Variants in BMPR1B observed in about 807,000 individuals in gnomAD.
BMPR1B encodes bone morphogenetic protein receptor type 1B.
Under a neutral mutation model 59.1 loss-of-function variants are expected in BMPR1B, and 12 were observed. That is an observed-to-expected ratio of 0.20 (90% confidence interval 0.13 to 0.33). The LOEUF is 0.33. Among genes scored for constraint, BMPR1B ranks in the 10% least tolerant of loss-of-function variants. BMPR1B has a pLI of 1.00. For missense variants in BMPR1B, 550 were observed against 610.9 expected (o/e 0.90, Z 1.05); for synonymous variants, 237 against 207.3 (o/e 1.14, Z -1.23).
intron 1 of BMPR1B, among the ~76,000 whole-genome samples, chr4:94,803,501 T>A (rs543583898): frequency 2.6e-4 from 40 of 152,350 alleles, no homozygotes; most frequent in African/African-American, 9.4e-4. Flanking sequence ...TGTCTACTTA[T>A]GTTTCTTTCC....
In BMPR1B at chr4:94,845,708, C is replaced by T. The variant is rs142319923; in HGVS notation, c.-182-30123C>T. Among the ~76,000 whole-genome samples the T allele has an allele frequency of 1.4e-3, 211 of 152,318 alleles. 1 individual carries two copies. The highest frequency in any genetic ancestry group is 4.7e-3 in the African/African-American group (196 of 41,580). On this transcript the variant is annotated intron_variant, in intron 1 of 12. Transcript: ENST00000515059. Reference sequence around the variant, plus strand: ...CTTGTAAAGAAATACCTATTTCTTTCAGTCACAAGCTAAAGTTTTTATCTC... The same window carrying T: ...CTTGTAAAGAAATACCTATTTCTTTTAGTCACAAGCTAAAGTTTTTATCTC...
At chr4:94,996,730 TGAG>T (rs543861690) in intron 3 of BMPR1B, among the ~76,000 whole-genome samples, 215 of 152,326 alleles carry the variant, frequency 1.4e-3, no homozygotes, top group African/African-American at 5.0e-3. Flanking sequence ...AGGCAAGCAC[TGAG>T]GAGAAGTTCT....
At chr4:94,936,596 TAA>T (rs1485082306) in intron 2 of BMPR1B, among the ~76,000 whole-genome samples, 1 of 152,192 alleles carries the variant, frequency 6.6e-6, no homozygotes, top group Non-Finnish European at 1.5e-5. Flanking sequence ...ATTGGATAGA[TAA>T]AGAGTTTCCA....
intron 1 of BMPR1B, among the ~76,000 whole-genome samples, chr4:94,810,533 A>G (rs868704715): frequency 2.6e-5 from 4 of 152,234 alleles, no homozygotes; most frequent in Admixed American, 6.5e-5. Context: ...ACAAGAATAC[A>G]GCAAGATTGG....
At chr4:94,927,405 T>A (rs1296996405) in intron 2 of BMPR1B, among the ~76,000 whole-genome samples, 1 of 152,086 alleles carries the variant, frequency 6.6e-6, no homozygotes. Flanking sequence ...GGCACAGACA[T>A]TCTGTGAGGG....
chr4:94,812,549 C>T (rs1723858849), intron 1 of BMPR1B, among the ~76,000 whole-genome samples: 1 of 152,182 alleles, frequency 6.6e-6, no homozygotes, highest in African/African-American at 2.4e-5. Flanking sequence ...TCTGTAGGCA[C>T]TGGGAAGCTA....
chr4:94,940,743 G>C (rs1274167878), intron 2 of BMPR1B, among the ~76,000 whole-genome samples: 2 of 152,160 alleles, frequency 1.3e-5, no homozygotes, highest in African/African-American at 4.8e-5. Context: ...GTATTACCAA[G>C]CTCTATTACT....
chr4:95,152,712 G>C lies in BMPR1B; in HGVS notation c.1322G>C (p.Arg441Thr), dbSNP rs879008149. The change falls in exon 12 of 13, where the codon AGG (arginine) becomes ACG (threonine). Residue 441 changes from arginine (R) to threonine (T), a missense_variant. Physicochemically the swap from Arg to Thr is moderately conservative, Grantham distance 71. This residue lies in a region of BMPR1B where 123 missense variants were observed against 164.6 expected (regional missense o/e 0.75). Coordinates refer to ENST00000515059, the MANE Select transcript of BMPR1B (RefSeq NM_001203.3). ...VPSDPSYEDM[R>T]EIVCIKKLRP... ...AGTGACCCCTCTTATGAGGACATGA[G>C]GGAGATTGTGTGCATCAAGAAGTTA... is the stretch of plus-strand genomic sequence containing the variant. 2 of 1,603,722 alleles carry C rather than the reference G, an allele frequency of 1.2e-6. No homozygotes were observed. The highest frequency in any genetic ancestry group is 1.7e-6 in the Non-Finnish European group (2 of 1,174,960).
chr4:95,064,637 A>G (rs1348734250), intron 3 of BMPR1B, among the ~76,000 whole-genome samples: 1 of 152,322 alleles, frequency 6.6e-6, no homozygotes, highest in East Asian at 1.9e-4. Context: ...CATGTATCTT[A>G]TAACACCCAT....
chr4:94,788,840 C>T (rs1722851598), intron 1 of BMPR1B, among the ~76,000 whole-genome samples: 1 of 152,168 alleles, frequency 6.6e-6, no homozygotes. Flanking sequence ...TCACGCCTGC[C>T]CAAGCCTGAG....
At chr4:94,839,951 G>T (rs1474882359) in intron 1 of BMPR1B, among the ~76,000 whole-genome samples, 1 of 151,702 alleles carries the variant, frequency 6.6e-6, no homozygotes, top group African/African-American at 2.4e-5. Context: ...TTTAGGGCAG[G>T]CCTGGTGGTG....
chr4:94,959,711 CT>C (rs1420568744), intron 2 of BMPR1B, among the ~76,000 whole-genome samples: 3 of 152,016 alleles, frequency 2.0e-5, no homozygotes, highest in Non-Finnish European at 4.4e-5. Context: ...TTTGGAAATA[CT>C]TTGGCCAGTG....
intron 1 of BMPR1B, among the ~76,000 whole-genome samples, chr4:94,759,558 T>C (rs1301411441): frequency 2.6e-5 from 4 of 152,370 alleles, no homozygotes; most frequent in African/African-American, 9.6e-5. Flanking sequence ...GGGCAAGTTA[T>C]GGGAAATGTC....
chr4:95,062,519 A>G (rs1727473959), intron 3 of BMPR1B, among the ~76,000 whole-genome samples: 1 of 152,162 alleles, frequency 6.6e-6, no homozygotes, highest in African/African-American at 2.4e-5. Context: ...CCCCAGATTG[A>G]AGAATGGAGC....
chr4:94,791,217 G>C (rs1417967849), intron 1 of BMPR1B, among the ~76,000 whole-genome samples: 1 of 152,086 alleles, frequency 6.6e-6, no homozygotes, highest in Non-Finnish European at 1.5e-5. Context: ...TCGAACTCCT[G>C]ATCTCAAGTG....
chr4:94,925,750 A>G (rs554248877), intron 2 of BMPR1B, among the ~76,000 whole-genome samples: 1 of 152,292 alleles, frequency 6.6e-6, no homozygotes, highest in South Asian at 2.1e-4. Context: ...TGAACCAACT[A>G]TTCAAAAAAT....
chr4:94,800,534 C>G (rs193285809), intron 1 of BMPR1B, among the ~76,000 whole-genome samples: 2 of 145,978 alleles, frequency 1.4e-5, no homozygotes, highest in East Asian at 4.1e-4. Flanking sequence ...GTCCAGCACT[C>G]TTGTGGACTA....
chr4:94,940,661 G>A lies in BMPR1B; in HGVS notation c.-112-55379G>A, dbSNP rs557374200. Among the ~76,000 whole-genome samples the A allele has an allele frequency of 2.0e-5, 3 of 152,260 alleles. No individual in the cohort carries two copies. The South Asian group carries it at 6.2e-4, about 32-fold the overall frequency. On this transcript the variant is annotated intron_variant, in intron 2 of 12. Transcript: ENST00000515059. ...TTATTCAACTCAGTGTTTCTTTGCCGTGTCACTAGCTATACAGAAGGGCCA... is the reference window on the plus strand; with the variant it reads ...TTATTCAACTCAGTGTTTCTTTGCCATGTCACTAGCTATACAGAAGGGCCA...
chr4:95,062,733 T>C lies in BMPR1B; in HGVS notation c.-17-41675T>C, dbSNP rs186612792. Among the ~76,000 whole-genome samples, 254 of 152,292 alleles carry C rather than the reference T, an allele frequency of 1.7e-3. 2 individuals carry two copies. The highest frequency in any genetic ancestry group is 5.9e-3 in the African/African-American group (247 of 41,566). On this transcript the variant is annotated intron_variant, in intron 3 of 12. Transcript: ENST00000515059. ...TTGTAGGATATCACTTGTACTTGGA[T>C]CCTCTAGATTTACACATTTGATTTT...
Sources: gnomAD v4.1 joint callset for allele counts (sites outside exome capture counted in the v4.1 genomes callset) on GRCh38, gnomAD v4.1.1 for gene constraint, gnomAD v4.1.1 regional missense constraint, MANE v1.5 for transcripts, NCBI Gene and HGNC (gene_info 2026-07-23, HGNC 2026-07-21) for gene names.